The following GABBR2 variants were observed in gnomAD, a reference collection of about 807,000 sequenced individuals.
GABBR2 encodes the protein gamma-aminobutyric acid type B receptor subunit 2, also known as G-protein coupled receptor 51.
A neutral mutation model predicts 105.6 loss-of-function variants in GABBR2; 23 were observed. The ratio of observed to expected loss-of-function variants is 0.22; its 90% CI spans 0.16 to 0.31. GABBR2 has a LOEUF of 0.31. Among genes scored for constraint, GABBR2 ranks in the 10% least tolerant of loss-of-function variants. GABBR2 has a pLI of 1.00. For missense variants in GABBR2, 734 were observed against 1,245.5 expected, an observed-to-expected ratio of 0.59 and a Z score of 6.18; for synonymous variants, 478 against 499.7, an observed-to-expected ratio of 0.96 and a Z score of 0.58.
chr9:98,502,640 C>T (rs1442259169), intron 3 of GABBR2, among the ~76,000 whole-genome samples: 10 of 152,186 alleles, frequency 6.6e-5, no homozygotes, highest in Admixed American at 3.3e-4. Context: ...TGAATCCCCC[C>T]GCTTGGCACT....
chr9:98,541,044 T>A (rs922895766), intron 3 of GABBR2, among the ~76,000 whole-genome samples: 3 of 152,124 alleles, frequency 2.0e-5, no homozygotes, highest in African/African-American at 7.2e-5. Context: ...CACCTAGCCA[T>A]GAGAGTATGG....
intron 1 of GABBR2, among the ~76,000 whole-genome samples, chr9:98,596,514 C>T (rs1829236804): frequency 6.6e-6 from 1 of 152,156 alleles, no homozygotes; most frequent in African/African-American, 2.4e-5. Context: ...CTGGTCCCTC[C>T]TGAGGAAATG....
At chr9:98,457,441 G>GTTTTC (rs1428770585) in intron 6 of GABBR2, among the ~76,000 whole-genome samples, 2 of 152,158 alleles carry the variant, frequency 1.3e-5, no homozygotes, top group Non-Finnish European at 1.5e-5. Flanking sequence ...GTTTTGTTTT[G>GTTTTC]TGGGACACTA....
intron 13 of GABBR2, among the ~76,000 whole-genome samples, chr9:98,341,664 G>T (rs1046980808): frequency 1.3e-5 from 2 of 152,162 alleles, no homozygotes; most frequent in African/African-American, 2.4e-5. Context: ...ACAAGTTCAC[G>T]GAGAGAGCAC....
chr9:98,657,907 G>C (rs1342449309), intron 1 of GABBR2, among the ~76,000 whole-genome samples: 1 of 152,096 alleles, frequency 6.6e-6, no homozygotes, highest in Non-Finnish European at 1.5e-5. Flanking sequence ...TGCCATGACT[G>C]TAAGTTTCCC....
intron 6 of GABBR2, among the ~76,000 whole-genome samples, chr9:98,462,778 C>T (rs1434280108): frequency 6.6e-6 from 1 of 152,200 alleles, no homozygotes; most frequent in East Asian, 1.9e-4. Context: ...TATGGCTACT[C>T]TGACTCAGAA....
chr9:98,361,808 T>G (rs1408776108), intron 13 of GABBR2, among the ~76,000 whole-genome samples: 1 of 152,226 alleles, frequency 6.6e-6, no homozygotes, highest in Non-Finnish European at 1.5e-5. Context: ...CTGCTCTGAA[T>G]GCATGCATAA....
intron 1 of GABBR2, among the ~76,000 whole-genome samples, chr9:98,699,658 G>A (rs1019283596): frequency 1.1e-4 from 16 of 152,136 alleles, no homozygotes; most frequent in African/African-American, 3.6e-4. Flanking sequence ...ACAGTGGAGT[G>A]GGGATCCTCG....
intron 3 of GABBR2, among the ~76,000 whole-genome samples, chr9:98,512,679 C>T (rs1304899763): frequency 6.6e-6 from 1 of 151,860 alleles, no homozygotes; most frequent in Non-Finnish European, 1.5e-5. Flanking sequence ...AATAAAATAC[C>T]TAGGAATCCA....
At chr9:98,409,367 T>C (rs188249031) in intron 7 of GABBR2, among the ~76,000 whole-genome samples, 7 of 152,326 alleles carry the variant, frequency 4.6e-5, no homozygotes, top group Admixed American at 4.6e-4. Flanking sequence ...GCAGAGACTC[T>C]GGAAGCTCTG....
intron 13 of GABBR2, among the ~76,000 whole-genome samples, chr9:98,340,559 T>C (rs995742618): frequency 6.6e-6 from 1 of 152,146 alleles, no homozygotes; most frequent in African/African-American, 2.4e-5. Flanking sequence ...CACGCCTGGC[T>C]CATGCCTGTG....
At chr9:98,384,235 C>T (rs1327522142) in intron 11 of GABBR2, among the ~76,000 whole-genome samples, 2 of 152,144 alleles carry the variant, frequency 1.3e-5, no homozygotes, top group African/African-American at 4.8e-5. Context: ...GAAATACATC[C>T]CAACTGATTA....
rs1830282294 is a variant in GABBR2 at position 98,290,316 on chromosome 9, C to T, written c.*268G>A. On this transcript the variant is annotated 3_prime_UTR_variant, in exon 19 of 19. Coordinates refer to ENST00000259455, the MANE Select transcript of GABBR2 (RefSeq NM_005458.8). ...TTTTGCAAGTTTGATATCCCAGCGCCTCCTTGTTTGCAGATGTTAAGGAAG... is the reference window on the plus strand; with the variant it reads ...TTTTGCAAGTTTGATATCCCAGCGCTTCCTTGTTTGCAGATGTTAAGGAAG... 3.6e-6 allele frequency: 1 copy of T among 276,128 alleles called. No homozygotes were observed. Among genetic ancestry groups the T allele is most frequent in the Non-Finnish European group, 6.7e-6 (1 of 150,166 alleles). 17.1% of individuals were successfully genotyped at this position (276,128 alleles called of 1,614,324 possible). A position where few individuals can be genotyped will look rare whatever the true frequency, so the allele number is the denominator to read the frequency against.
At chr9:98,599,697 T>C (rs1304215511) in intron 1 of GABBR2, among the ~76,000 whole-genome samples, 2 of 152,154 alleles carry the variant, frequency 1.3e-5, no homozygotes, top group African/African-American at 4.8e-5. Context: ...GGGTATACAG[T>C]GACCTGCCCA....
At chr9:98,321,953 A>C (rs1308901237) in intron 13 of GABBR2, among the ~76,000 whole-genome samples, 10 of 151,948 alleles carry the variant, frequency 6.6e-5, no homozygotes, top group Non-Finnish European at 1.0e-4. Flanking sequence ...TCTGCTTCTC[A>C]GCCTCTTGGT....
At chr9:98,326,478 T>A (rs1326518906) in intron 13 of GABBR2, among the ~76,000 whole-genome samples, 2 of 152,200 alleles carry the variant, frequency 1.3e-5, no homozygotes, top group Non-Finnish European at 2.9e-5. Flanking sequence ...TCAGCTTTTT[T>A]ATAATTAGGT....
intron 3 of GABBR2, among the ~76,000 whole-genome samples, chr9:98,534,336 G>A (rs577457155): frequency 1.5e-3 from 233 of 151,954 alleles, no homozygotes; most frequent in African/African-American, 5.2e-3. Flanking sequence ...CTTGGAGCTT[G>A]GAGCTTGGAG....
intron 13 of GABBR2, among the ~76,000 whole-genome samples, chr9:98,333,671 C>A (rs2117610): frequency 6.6e-6 from 1 of 152,036 alleles, no homozygotes; most frequent in Admixed American, 6.5e-5. Flanking sequence ...CTGCAAAGAC[C>A]CCTTTAGCAA....
chr9:98,569,151 C>G (rs1436017495), intron 2 of GABBR2, among the ~76,000 whole-genome samples: 1 of 152,188 alleles, frequency 6.6e-6, no homozygotes. Context: ...TAGAGAGCAG[C>G]AGCAACAGTT....
Sources: gnomAD v4.1 joint callset for allele counts (sites outside exome capture counted in the v4.1 genomes callset) on GRCh38, gnomAD v4.1.1 for gene constraint, MANE v1.5 for transcripts, NCBI Gene and HGNC (gene_info 2026-07-23, HGNC 2026-07-21) for gene names.